The following PPARGC1B variants were observed in gnomAD, a reference collection of about 807,000 sequenced individuals.
PPARGC1B encodes PPARG coactivator 1 beta, also known as peroxisome proliferator-activated receptor gamma coactivator 1-beta.
In PPARGC1B, 34 loss-of-function variants were observed where a neutral mutation model predicts 101.6. The observed-to-expected ratio is 0.33, with a 90% CI of 0.25 to 0.45. The LOEUF is 0.45. Ranked by LOEUF, PPARGC1B falls within the 20% of genes least tolerant of loss-of-function variation. The pLI, the probability that PPARGC1B is intolerant of heterozygous loss-of-function variation, is 1.00. For missense variants in PPARGC1B, 1,234 were observed against 1,317.6 expected (o/e 0.94, Z 0.98); for synonymous variants, 548 against 539.3 (o/e 1.02, Z -0.22).
chr5:149,814,735 CA>C (rs1757989883), intron 1 of PPARGC1B, among the ~76,000 whole-genome samples: 1 of 152,258 alleles, frequency 6.6e-6, no homozygotes, highest in African/African-American at 2.4e-5. Flanking sequence ...AGCAAGATCA[CA>C]AGCTTCCAAT....
intron 1 of PPARGC1B, among the ~76,000 whole-genome samples, chr5:149,787,700 A>T (rs1465627290): frequency 6.6e-6 from 1 of 152,184 alleles, no homozygotes; most frequent in Non-Finnish European, 1.5e-5. Flanking sequence ...GGACACTATA[A>T]TCTACCAGTG....
At chr5:149,812,201 T>C (rs1757890383) in intron 1 of PPARGC1B, among the ~76,000 whole-genome samples, 1 of 152,244 alleles carries the variant, frequency 6.6e-6, no homozygotes, top group African/African-American at 2.4e-5. Context: ...TCCAATGGTC[T>C]GGTTTATCTC....
rs148502043 is a variant in PPARGC1B at position 149,800,739 on chromosome 5, G to A, written c.79-19694G>A. 2.0e-3 allele frequency among the ~76,000 whole-genome samples: 312 copies of A among 152,326 alleles called. 1 individual carries two copies. Among genetic ancestry groups the A allele is most frequent in the Non-Finnish European group, 3.7e-3 (249 of 68,028 alleles). ...GCCAGGTGCATGTTGGGTGTTTCAG[G>A]AGTGACATTTGGAGAGAAGAGGGCC... On this transcript the variant is annotated intron_variant, in intron 1 of 11. Coordinates refer to ENST00000309241, the MANE Select transcript of PPARGC1B (RefSeq NM_133263.4).
chr5:149,851,437 G>A lies in PPARGC1B; in HGVS notation c.*3879G>A, dbSNP rs1759757816. ...ACTGTGAAGCAAAATCAGCCCCAGAGGATGTATTGATCTGACTCACTGATG... is the reference window on the plus strand; with the variant it reads ...ACTGTGAAGCAAAATCAGCCCCAGAAGATGTATTGATCTGACTCACTGATG... On this transcript the variant is annotated 3_prime_UTR_variant, in exon 12 of 12. Transcript: ENST00000309241. 6.6e-6 allele frequency: 1 copy of A among 152,184 alleles called. No individual in the cohort carries two copies. Among genetic ancestry groups the A allele is most frequent in the Non-Finnish European group, 1.5e-5 (1 of 68,042 alleles). 9.4% of individuals were successfully genotyped at this position (152,184 alleles called of 1,614,324 possible). A position where few individuals can be genotyped will look rare whatever the true frequency, so the allele number is the denominator to read the frequency against.
In PPARGC1B at chr5:149,730,311, A is replaced by T; in HGVS notation, c.-32A>T. The stretch of plus-strand genomic sequence containing the variant: ...CTCCCCCCGGGCCGGCTCGGCGTTG[A>T]CTCCGCCGCACGCTGCAGCCGCGGC... On this transcript the variant is annotated 5_prime_UTR_variant, in exon 1 of 12. Coordinates refer to ENST00000309241, the MANE Select transcript of PPARGC1B (RefSeq NM_133263.4). The surrounding 1 kb of genome is among the most constrained non-coding windows in gnomAD (Gnocchi z 4.0). 2.0e-6 allele frequency: 3 copies of T among 1,515,828 alleles called. No homozygotes were observed. Among genetic ancestry groups the T allele is most frequent in the Non-Finnish European group, 2.7e-6 (3 of 1,131,774 alleles). The allele number at this position is 1,515,828 out of a possible 1,614,324, so 93.9% of individuals were successfully genotyped here.
intron 1 of PPARGC1B, among the ~76,000 whole-genome samples, chr5:149,794,419 G>A (rs1198036379): frequency 6.6e-6 from 1 of 151,094 alleles, no homozygotes; most frequent in Non-Finnish European, 1.5e-5. Context: ...TGGCTTGGGA[G>A]CCTATGGCAG....
chr5:149,780,539 G>A (rs1178375662), intron 1 of PPARGC1B, among the ~76,000 whole-genome samples: 1 of 152,182 alleles, frequency 6.6e-6, no homozygotes, highest in African/African-American at 2.4e-5. Flanking sequence ...TTGATGATCT[G>A]TTATTCCTGT....
At chr5:149,739,686 G>T (rs772080979) in intron 1 of PPARGC1B, among the ~76,000 whole-genome samples, 1 of 152,196 alleles carries the variant, frequency 6.6e-6, no homozygotes, top group Non-Finnish European at 1.5e-5. Context: ...TGCCCTGAGT[G>T]GCTGGGCTTT....
In PPARGC1B at chr5:149,835,316, CAAG is replaced by C. The variant is rs1561618241; in HGVS notation, c.1763_1765del (p.Lys588del). Reference sequence around the variant, plus strand: ...CCTCCACCAGCGACCCAACTTTTGGCAAGAAGAGCTTTGAGCAGACCTTGACAG... The same window carrying C: ...CCTCCACCAGCGACCCAACTTTTGGCAAGAGCTTTGAGCAGACCTTGACAG... On this transcript the variant is annotated inframe_deletion, in exon 7 of 12. Coordinates refer to ENST00000309241, the MANE Select transcript of PPARGC1B (RefSeq NM_133263.4). The C allele has an allele frequency of 2.5e-6, 4 of 1,614,162 alleles. No homozygotes were observed. The highest frequency in any genetic ancestry group is 1.3e-5 in the African/African-American group (1 of 75,058).
intron 1 of PPARGC1B, among the ~76,000 whole-genome samples, chr5:149,751,468 G>A (rs917031054): frequency 1.3e-5 from 2 of 152,130 alleles, no homozygotes; most frequent in African/African-American, 4.8e-5. Flanking sequence ...CACTTTGGGA[G>A]GCCAAGGCGG....
chr5:149,748,304 TAG>T (rs1755159666), intron 1 of PPARGC1B, among the ~76,000 whole-genome samples: 3 of 135,926 alleles, frequency 2.2e-5, no homozygotes, highest in African/African-American at 8.7e-5. Context: ...GATATAGATA[TAG>T]ATATAGATAT....
chr5:149,797,234 T>A (rs183672781), intron 1 of PPARGC1B, among the ~76,000 whole-genome samples: 2 of 152,234 alleles, frequency 1.3e-5, no homozygotes, highest in East Asian at 3.9e-4. Flanking sequence ...ATTGACAGTG[T>A]GCCAGGCACT....
At position 149,836,649 on chromosome 5, in the gene PPARGC1B, G is replaced by A. The variant is rs549555293; in HGVS notation, c.2194G>A (p.Ala732Thr). Residue 732 changes from alanine to threonine, a missense_variant, in exon 8 of 12, where the codon GCA (alanine) becomes ACA (threonine). Ala to Thr is a moderately conservative substitution (Grantham distance 58). Coordinates refer to ENST00000309241, the MANE Select transcript of PPARGC1B (RefSeq NM_133263.4). ...WPQQGAPWAE[A>T]QAPGREEDRS... is the part of the protein sequence containing the mutation. ...CCAGCAGGGTGCCCCTTGGGCTGAG[G>A]CACAGGCCCCTGGCAGGGAGGAAGA... The A allele has an allele frequency of 6.2e-7, 1 of 1,613,850 alleles. No homozygotes were observed. The highest frequency in any genetic ancestry group is 1.3e-5 in the African/African-American group (1 of 75,070).
intron 10 of PPARGC1B, 94 bp from the exon 11 acceptor site, chr5:149,845,666 A>G: frequency 7.5e-7 from 1 of 1,326,016 alleles, no homozygotes; most frequent in Non-Finnish European, 1.0e-6. Flanking sequence ...GTATCGAATC[A>G]CTGTGGCAGT....
chr5:149,812,826 C>G (rs1014120995), intron 1 of PPARGC1B, among the ~76,000 whole-genome samples: 1 of 152,190 alleles, frequency 6.6e-6, no homozygotes, highest in Non-Finnish European at 1.5e-5. Flanking sequence ...TTAATTGGCC[C>G]GGATGTGCTT....
At chr5:149,775,887 T>G (rs1310640094) in intron 1 of PPARGC1B, among the ~76,000 whole-genome samples, 1 of 152,196 alleles carries the variant, frequency 6.6e-6, no homozygotes, top group African/African-American at 2.4e-5. Flanking sequence ...CTGGACTGTC[T>G]AAAGAAAGTA....
At position 149,772,212 on chromosome 5, in the gene PPARGC1B, CG is replaced by C. The variant is rs1243205649; in HGVS notation, c.78+41793del. ...TTTTTCTGTGAGCTTGTTGGGTTGA[CG>C]ATTGTGACATGCTGCCGGGAGGGTG... is the stretch of plus-strand genomic sequence containing the variant. On this transcript the variant is annotated intron_variant, in intron 1 of 11. Coordinates refer to ENST00000309241, the MANE Select transcript of PPARGC1B (RefSeq NM_133263.4). 3.8e-6 allele frequency: 6 copies of C among 1,593,726 alleles called. No homozygotes were observed. The Admixed American group carries it at 7.1e-5, about 19-fold the overall frequency.
chr5:149,763,491 C>T (rs1755787620), intron 1 of PPARGC1B, among the ~76,000 whole-genome samples: 1 of 147,686 alleles, frequency 6.8e-6, no homozygotes, highest in South Asian at 2.1e-4. Flanking sequence ...CAGAGCATGA[C>T]AGCTAGAAGG....
intron 2 of PPARGC1B, among the ~76,000 whole-genome samples, chr5:149,825,942 G>C (rs1198742771): frequency 6.6e-6 from 1 of 152,186 alleles, no homozygotes; most frequent in Non-Finnish European, 1.5e-5. Context: ...TTTGTGCCAG[G>C]CACCATTTTC....
Sources: allele counts gnomAD v4.1 joint callset (sites outside exome capture counted in the v4.1 genomes callset), GRCh38; gene constraint gnomAD v4.1.1; non-coding constraint Gnocchi (gnomAD v3.1); transcripts MANE v1.5; gene names NCBI Gene and HGNC (gene_info 2026-07-23, HGNC 2026-07-21).